IL1RAPL2: variants seen among roughly 807,000 people sequenced by gnomAD.
IL1RAPL2 encodes X-linked interleukin-1 receptor accessory protein-like 2.
IL1RAPL2 carries 3 observed loss-of-function variants against 44.1 expected under a neutral mutation model. That is an observed-to-expected ratio of 0.07 (90% CI 0.03 to 0.18). The LOEUF (loss-of-function observed/expected upper bound fraction) is 0.18. IL1RAPL2 is among the 10% of genes least tolerant of loss of function. The probability of loss-of-function intolerance (pLI) is 1.00; values close to 1 mark genes in which losing one functional copy is unlikely to be tolerated. For missense variants in IL1RAPL2, 391 were observed against 496.4 expected, an observed-to-expected ratio of 0.79 and a Z score of 2.02; for synonymous variants, 181 against 178.8, an observed-to-expected ratio of 1.01 and a Z score of -0.10.
At chrX:105,220,039 G>T in intron 3 of IL1RAPL2, 1 of 1,211,411 alleles carries the variant, frequency 8.3e-7, no homozygotes, top group African/African-American at 1.7e-5. Context: ...CTTGCGTTCC[G>T]TCTCCTGCTG....
intron 2 of IL1RAPL2, among the ~76,000 whole-genome samples, chrX:105,041,583 A>G (rs1474062135): frequency 2.7e-5 from 3 of 110,508 alleles, no homozygotes; most frequent in African/African-American, 9.9e-5. Context: ...AAGAGGATAC[A>G]AACAAATGGA....
At chrX:104,568,113 T>C (rs769446416) in intron 1 of IL1RAPL2, among the ~76,000 whole-genome samples, 39 of 111,053 alleles carry the variant, frequency 3.5e-4, no homozygotes, top group Non-Finnish European at 5.9e-4. Flanking sequence ...GGGAGTCTAT[T>C]TAGGAGTATC....
chrX:104,686,081 C>T (rs368915557), intron 2 of IL1RAPL2, among the ~76,000 whole-genome samples: 1 of 111,111 alleles, frequency 9.0e-6, no homozygotes, highest in Admixed American at 9.6e-5. Flanking sequence ...CCTTAGTTAC[C>T]GTAAACAAAA....
intron 2 of IL1RAPL2, among the ~76,000 whole-genome samples, chrX:105,009,766 A>G (rs1225919256): frequency 8.2e-5 from 9 of 110,390 alleles, no homozygotes; most frequent in East Asian, 5.8e-4. Flanking sequence ...AAAATTTAAA[A>G]AAAAGAAAAT....
chrX:105,608,623 T>C (rs1430571690), intron 6 of IL1RAPL2, among the ~76,000 whole-genome samples: 1 of 112,145 alleles, frequency 8.9e-6, no homozygotes, highest in Non-Finnish European at 1.9e-5. Flanking sequence ...TAATCTGGGA[T>C]AGATAAAACC....
At chrX:104,833,701 T>C (rs1005396733) in intron 2 of IL1RAPL2, among the ~76,000 whole-genome samples, 1 of 111,588 alleles carries the variant, frequency 9.0e-6, no homozygotes, top group Admixed American at 9.6e-5. Flanking sequence ...AGTTATTAAA[T>C]AGTTGGAGCA....
intron 2 of IL1RAPL2, among the ~76,000 whole-genome samples, chrX:104,666,316 G>C (rs1044446312): frequency 8.9e-6 from 1 of 111,920 alleles, no homozygotes; most frequent in Non-Finnish European, 1.9e-5. Flanking sequence ...TTATGACACT[G>C]GTTCTCTTTA....
chrX:105,476,711 C>G, intron 5 of IL1RAPL2, among the ~76,000 whole-genome samples: 1 of 112,110 alleles, frequency 8.9e-6, no homozygotes, highest in Middle Eastern at 4.6e-3. Flanking sequence ...TAATAACAAG[C>G]TGAAATAAAA....
chrX:104,955,060 G>T (rs1198671561), intron 2 of IL1RAPL2, among the ~76,000 whole-genome samples: 2 of 112,082 alleles, frequency 1.8e-5, no homozygotes, highest in African/African-American at 6.5e-5. Flanking sequence ...CCTAGAAAAA[G>T]GGTGGTAACT....
chrX:105,652,052 G>T lies in IL1RAPL2; in HGVS notation c.773-65315G>T, dbSNP rs112904189. Among the ~76,000 whole-genome samples, 3 of 111,473 alleles carry T rather than the reference G, an allele frequency of 2.7e-5. No individual in the cohort carries two copies. The South Asian group carries it at 1.1e-3, about 42-fold the overall frequency. ...AACCATTTGGTTCAGTAATTTTAAG[G>T]CAGGGGGTAGGTGGCTTCAGCTAGA... On this transcript the variant is annotated intron_variant, in intron 6 of 10. Transcript: ENST00000372582.
intron 2 of IL1RAPL2, among the ~76,000 whole-genome samples, chrX:104,982,966 G>A (rs1199848405): frequency 9.0e-6 from 1 of 110,980 alleles, no homozygotes; most frequent in East Asian, 2.8e-4. Context: ...AAGCACATGA[G>A]ACACTTATTT....
rs1417657351 is a variant in IL1RAPL2, at chrX:105,184,874, C to T, written c.83-10601C>T. ...ATTATATGTAAAGGCTTGAGAGGTA[C>T]AGTAGAATAATTAACAAAATAAGTA... is the stretch of plus-strand genomic sequence containing the variant. On this transcript the variant is annotated intron_variant, in intron 2 of 10. Transcript: ENST00000372582. 1.8e-4 allele frequency among the ~76,000 whole-genome samples: 20 copies of T among 111,167 alleles called. No homozygotes were observed. In the Admixed American group the frequency reaches 1.9e-3, roughly 11 times the overall value.
chrX:104,785,777 A>T (rs1056830864), intron 2 of IL1RAPL2, among the ~76,000 whole-genome samples: 1 of 112,489 alleles, frequency 8.9e-6, no homozygotes, highest in East Asian at 2.8e-4. Flanking sequence ...CGACTGTGGC[A>T]AAGCAAACTA....
At chrX:105,720,887 C>T (rs1025331830) in intron 7 of IL1RAPL2, among the ~76,000 whole-genome samples, 1 of 109,473 alleles carries the variant, frequency 9.1e-6, no homozygotes, top group African/African-American at 3.3e-5. Flanking sequence ...TACCCCGTTT[C>T]CCCAATTATC....
rs750533407 is a variant in IL1RAPL2 at position 105,178,833 on chromosome X, A to G, written c.83-16642A>G. ...ATTTGTGTCTTTTGCCCACTTTTCA[A>G]TGGAGTTATGTTTTTTTCTTACTGA... is the stretch of plus-strand genomic sequence containing the variant. On this transcript the variant is annotated intron_variant, in intron 2 of 10. Transcript: ENST00000372582. 8.1e-5 allele frequency among the ~76,000 whole-genome samples: 9 copies of G among 111,450 alleles called. No homozygotes were observed. In the East Asian group the frequency reaches 2.3e-3, roughly 28 times the overall value.
In IL1RAPL2 at chrX:104,592,502, T is replaced by G. The variant is rs770880948; in HGVS notation, c.-20+25451T>G. On this transcript the variant is annotated intron_variant, in intron 1 of 10. Transcript: ENST00000372582. ...TGATGTATAGTGATAATACAACATATGCATCCACCCACCCACATCCATACT... is the reference window on the plus strand; with the variant it reads ...TGATGTATAGTGATAATACAACATAGGCATCCACCCACCCACATCCATACT... Among the ~76,000 whole-genome samples the G allele has an allele frequency of 5.4e-5, 6 of 111,056 alleles. No homozygotes were observed. The South Asian group carries it at 1.9e-3, about 35-fold the overall frequency.
chrX:104,667,129 T>C (rs1016831250), intron 2 of IL1RAPL2, among the ~76,000 whole-genome samples: 1 of 110,862 alleles, frequency 9.0e-6, no homozygotes, highest in African/African-American at 3.3e-5. Context: ...CCCTAAATGG[T>C]TACAGACAAG....
intron 5 of IL1RAPL2, among the ~76,000 whole-genome samples, chrX:105,479,501 A>C (rs926998432): frequency 1.8e-5 from 2 of 110,596 alleles, no homozygotes; most frequent in Admixed American, 1.9e-4. Flanking sequence ...GCACTTTGGA[A>C]GGCCGAGGCG....
intron 2 of IL1RAPL2, among the ~76,000 whole-genome samples, chrX:104,968,705 A>C (rs1156433535): frequency 9.0e-6 from 1 of 111,720 alleles, no homozygotes; most frequent in Non-Finnish European, 1.9e-5. Context: ...TATATGTCAG[A>C]AACAAACATT....
Sources: gnomAD v4.1 joint callset for allele counts (sites outside exome capture counted in the v4.1 genomes callset) on GRCh38, gnomAD v4.1.1 for gene constraint, MANE v1.5 for transcripts, NCBI Gene and HGNC (gene_info 2026-07-23, HGNC 2026-07-21) for gene names.